ARF4: variants seen among roughly 807,000 people sequenced by gnomAD.
ARF4 encodes the protein ADP-ribosylation factor 4.
In ARF4, 5 loss-of-function variants were observed where a neutral mutation model predicts 24.3. That is an observed-to-expected ratio of 0.21 (90% CI 0.11 to 0.43). The LOEUF (loss-of-function observed/expected upper bound fraction) is 0.43. ARF4 is among the 20% of genes least tolerant of loss of function. ARF4 has a pLI of 1.00. For synonymous variants in ARF4, 62 were observed against 73.5 expected (o/e 0.84, Z 0.80); for missense variants, 107 against 213.0 (o/e 0.50, Z 3.10).
intron 1 of ARF4, among the ~76,000 whole-genome samples, chr3:57,593,591 C>T (rs963973871): frequency 6.6e-6 from 1 of 152,162 alleles, no homozygotes; most frequent in Non-Finnish European, 1.5e-5. Context: ...AGCTTTTCAA[C>T]AGGCAAGAAC....
intron 2 of ARF4, 110 bp from the exon 3 acceptor site, chr3:57,584,117 A>T (rs1276149109): frequency 3.8e-6 from 3 of 798,478 alleles, no homozygotes; most frequent in Non-Finnish European, 6.0e-6. Context: ...TTTTATTTTT[A>T]AAAAATATAT....
intron 1 of ARF4, among the ~76,000 whole-genome samples, chr3:57,591,773 T>C (rs117179796): frequency 9.2e-5 from 14 of 152,110 alleles, no homozygotes; most frequent in Non-Finnish European, 2.1e-4. Flanking sequence ...CCATTATGAA[T>C]GAACTTTGAC....
intron 1 of ARF4, among the ~76,000 whole-genome samples, chr3:57,589,102 CAA>C (rs58218892): frequency 1.2e-3 from 171 of 142,342 alleles, no homozygotes; most frequent in Non-Finnish European, 1.1e-3. Flanking sequence ...AACTCCGTCT[CAA>C]AAAAAAAAAA....
intron 1 of ARF4, among the ~76,000 whole-genome samples, chr3:57,588,386 G>C (rs1486140457): frequency 2.0e-5 from 3 of 151,908 alleles, no homozygotes; most frequent in Non-Finnish European, 4.4e-5. Flanking sequence ...TCAACATAGC[G>C]AGATCCATCT....
chr3:57,587,319 C>CAAAAAAAAAAAAAAAAA (rs56787111), intron 1 of ARF4, among the ~76,000 whole-genome samples: 1 of 45,406 alleles, frequency 2.2e-5, no homozygotes, highest in East Asian at 6.5e-4. Context: ...AACTCAGTCT[C>CAAAAAAAAAAAAAAAAA]AAAAAAAAAA....
chr3:57,594,506 C>A (rs947910299), intron 1 of ARF4, among the ~76,000 whole-genome samples: 3 of 152,220 alleles, frequency 2.0e-5, no homozygotes, highest in African/African-American at 7.2e-5. Flanking sequence ...AAATTTGATA[C>A]ACTGTGTTGG....
chr3:57,584,058 A>C, intron 2 of ARF4, 51 bp from the exon 3 acceptor site: 1 of 1,252,374 alleles, frequency 8.0e-7, no homozygotes, highest in Non-Finnish European at 1.1e-6. Context: ...AAGAAAATAA[A>C]ACCTTTTATT....
chr3:57,583,529 C>A (rs910840192), intron 3 of ARF4, among the ~76,000 whole-genome samples: 3 of 152,110 alleles, frequency 2.0e-5, no homozygotes, highest in African/African-American at 7.2e-5. Context: ...AGTAACTGGG[C>A]TAAACAAAGG....
intron 3 of ARF4, among the ~76,000 whole-genome samples, chr3:57,581,315 C>T (rs932658657): frequency 2.0e-5 from 3 of 152,010 alleles, no homozygotes; most frequent in Non-Finnish European, 4.4e-5. Context: ...CATGAACTCC[C>T]TAGGAAGCAG....
rs902334645 is a variant in ARF4, at chr3:57,593,952, A to G, written c.67+3122T>C. Among the ~76,000 whole-genome samples, 4 of 152,320 alleles carry G rather than the reference A, an allele frequency of 2.6e-5. No homozygotes were observed. In the East Asian group the frequency reaches 7.7e-4, roughly 29 times the overall value. On this transcript the variant is annotated intron_variant, in intron 1 of 5. Transcript: ENST00000303436. ...GAAAAAAAACATAATTATTTAAAAA[A>G]TATATACAAAATACAGAAGCTGGCT...
intron 1 of ARF4, among the ~76,000 whole-genome samples, chr3:57,590,634 A>G (rs1457227688): frequency 6.6e-6 from 1 of 152,144 alleles, no homozygotes; most frequent in East Asian, 1.9e-4. Context: ...ATTATCTACA[A>G]GTTTGAAATA....
At chr3:57,575,763 T>C (rs2069895854) in intron 4 of ARF4, 90 bp from the exon 5 acceptor site, 1 of 1,348,310 alleles carries the variant, frequency 7.4e-7, no homozygotes, top group African/African-American at 1.5e-5. Context: ...CAGCATTAAA[T>C]ACATTATTAA....
At chr3:57,583,483 A>G (rs1449417114) in intron 3 of ARF4, among the ~76,000 whole-genome samples, 1 of 152,244 alleles carries the variant, frequency 6.6e-6, no homozygotes, top group Non-Finnish European at 1.5e-5. Flanking sequence ...AAATCAATGC[A>G]GCGAACTGAC....
rs1296191890 is a variant in ARF4 at position 57,575,590 on chromosome 3, T to G, written c.414A>C (p.Glu138Asp). The change falls in exon 5 of 6, where the codon GAA becomes GAC. Residue 138 changes from glutamate to aspartate, a missense_variant. Coordinates refer to ENST00000303436, the MANE Select transcript of ARF4 (RefSeq NM_001660.4). ...QDLPNAMAIS[E>D]MTDKLGLQSL... ...ACTGAAGCCCTAGTTTATCTGTCATTTCACTGATGGCCATAGCATTTGGCA... is the reference window on the plus strand; with the variant it reads ...ACTGAAGCCCTAGTTTATCTGTCATGTCACTGATGGCCATAGCATTTGGCA... 1 of 1,613,464 alleles carries G rather than the reference T, an allele frequency of 6.2e-7. No individual in the cohort carries two copies. Among genetic ancestry groups the G allele is most frequent in the East Asian group, 2.2e-5 (1 of 44,808 alleles).
At chr3:57,581,640 A>G (rs2153408818) in intron 3 of ARF4, among the ~76,000 whole-genome samples, 1 of 152,294 alleles carries the variant, frequency 6.6e-6, no homozygotes, top group East Asian at 1.9e-4. Flanking sequence ...GTCTCTACTA[A>G]AAATACAAAA....
chr3:57,591,135 G>A (rs911072233), intron 1 of ARF4, among the ~76,000 whole-genome samples: 1 of 152,128 alleles, frequency 6.6e-6, no homozygotes, highest in Non-Finnish European at 1.5e-5. Flanking sequence ...GGATGTAAAC[G>A]AGGATGTAAA....
chr3:57,589,723 A>C (rs2070085077), intron 1 of ARF4, among the ~76,000 whole-genome samples: 1 of 151,740 alleles, frequency 6.6e-6, no homozygotes, highest in African/African-American at 2.4e-5. Context: ...GTCTCAAAAA[A>C]ACAAACAAAA....
At chr3:57,596,058 T>A (rs1265899641) in intron 1 of ARF4, among the ~76,000 whole-genome samples, 1 of 152,160 alleles carries the variant, frequency 6.6e-6, no homozygotes, top group African/African-American at 2.4e-5. Context: ...TTCAGCGTTA[T>A]TCTAGTCCAT....
intron 1 of ARF4, among the ~76,000 whole-genome samples, chr3:57,594,471 G>A (rs540408552): frequency 6.6e-6 from 1 of 152,254 alleles, no homozygotes; most frequent in Admixed American, 6.5e-5. Flanking sequence ...CATAATTTCT[G>A]TCAATCAATA....
Sources: gnomAD v4.1 joint callset for allele counts (sites outside exome capture counted in the v4.1 genomes callset) on GRCh38, gnomAD v4.1.1 for gene constraint, MANE v1.5 for transcripts, NCBI Gene and HGNC (gene_info 2026-07-23, HGNC 2026-07-21) for gene names.